TDRP: variants seen among roughly 807,000 people sequenced by gnomAD.
TDRP encodes testis development related protein.
Under a neutral mutation model 10.5 loss-of-function variants are expected in TDRP, and 12 were observed. That is an observed-to-expected ratio of 1.15 (90% CI 0.73 to 1.86). TDRP has a LOEUF of 1.86. Ranked by LOEUF, TDRP falls within the 40% of genes most tolerant of loss-of-function variation. The probability of loss-of-function intolerance (pLI) is 0.00; values close to 1 mark genes in which losing one functional copy is unlikely to be tolerated. For synonymous variants in TDRP, 139 were observed against 95.4 expected (o/e 1.46, Z -2.67); for missense variants, 353 against 229.2 (o/e 1.54, Z -3.49).
intron 1 of TDRP, among the ~76,000 whole-genome samples, chr8:537,120 T>C (rs1802366587): frequency 6.6e-6 from 1 of 152,232 alleles, no homozygotes; most frequent in Admixed American, 6.5e-5. Flanking sequence ...TGCCGTAATG[T>C]GGAAACCCCA....
At chr8:507,844 T>G (rs894645518) in intron 1 of TDRP, among the ~76,000 whole-genome samples, 4 of 152,186 alleles carry the variant, frequency 2.6e-5, no homozygotes, top group African/African-American at 9.7e-5. Context: ...CAAAATAATC[T>G]GTACAACAAA....
At position 492,142 on chromosome 8, in the gene TDRP, T is replaced by C; in HGVS notation, c.*257A>G. 3 of 1,246,928 alleles carry C rather than the reference T, an allele frequency of 2.4e-6. No individual in the cohort carries two copies. The highest frequency in any genetic ancestry group is 3.0e-6 in the Non-Finnish European group (3 of 997,036). The allele number at this position is 1,246,928 out of a possible 1,614,324, so 77.2% of individuals were successfully genotyped here. On this transcript the variant is annotated 3_prime_UTR_variant, in exon 3 of 3. Coordinates refer to ENST00000324079, the MANE Select transcript of TDRP (RefSeq NM_001384899.1). The stretch of plus-strand genomic sequence containing the variant: ...TATGGGAGAGCATCATAAATTCACA[T>C]CTCCAGTTTCTGCAAAACATGGACT...
intron 1 of TDRP, among the ~76,000 whole-genome samples, chr8:515,455 C>T (rs1801732433): frequency 6.6e-6 from 1 of 152,174 alleles, no homozygotes; most frequent in Non-Finnish European, 1.5e-5. Context: ...GAAATATTTG[C>T]ATTATACCAG....
rs201663760 is a variant in TDRP, at chr8:531,990, G to A, written c.108+12660C>T. Among the ~76,000 whole-genome samples the A allele has an allele frequency of 1.8e-4, 27 of 152,320 alleles. No homozygotes were observed. In the East Asian group the frequency reaches 2.5e-3, roughly 14 times the overall value. Reference sequence around the variant, plus strand: ...TCTCCTGACTGTGATACACTTTGCTGCTATAGCAGAACAAAACAAACAAAA... The same window carrying A: ...TCTCCTGACTGTGATACACTTTGCTACTATAGCAGAACAAAACAAACAAAA... On this transcript the variant is annotated intron_variant, in intron 1 of 2. Coordinates refer to ENST00000324079, the MANE Select transcript of TDRP (RefSeq NM_001384899.1).
chr8:524,907 G>C lies in TDRP; in HGVS notation c.108+19743C>G, dbSNP rs115271371. ...AGGGTAGAAAGTTTATTCAAAGGGA[G>C]AGTAACAGAGAACTTCTCAATCCTA... On this transcript the variant is annotated intron_variant, in intron 1 of 2. Transcript: ENST00000324079. Among the ~76,000 whole-genome samples, 1,075 of 152,260 alleles carry C rather than the reference G, an allele frequency of 7.1e-3. 15 individuals are homozygous for C. Among genetic ancestry groups the C allele is most frequent in the African/African-American group, 0.025 (1,028 of 41,546 alleles).
intron 1 of TDRP, among the ~76,000 whole-genome samples, chr8:520,441 C>T (rs1801873342): frequency 6.6e-6 from 1 of 152,162 alleles, no homozygotes; most frequent in African/African-American, 2.4e-5. Context: ...ATCCTGTTTT[C>T]CTTTCTTTGG....
intron 1 of TDRP, among the ~76,000 whole-genome samples, chr8:518,197 A>G (rs1309775689): frequency 6.6e-6 from 1 of 151,820 alleles, no homozygotes; most frequent in Non-Finnish European, 1.5e-5. Flanking sequence ...GTAGCAGGGA[A>G]GGTAGGGAAG....
chr8:524,684 G>A (rs751092724), intron 1 of TDRP, among the ~76,000 whole-genome samples: 4 of 151,512 alleles, frequency 2.6e-5, no homozygotes, highest in Non-Finnish European at 5.9e-5. Flanking sequence ...GAATGCATCA[G>A]TCTCAAAAGT....
chr8:542,513 C>T (rs1802523375), intron 1 of TDRP, among the ~76,000 whole-genome samples: 1 of 152,038 alleles, frequency 6.6e-6, no homozygotes, highest in African/African-American at 2.4e-5. Flanking sequence ...AAACTGGATA[C>T]CTGAAAAATA....
At chr8:509,455 G>A (rs988688309) in intron 1 of TDRP, among the ~76,000 whole-genome samples, 6 of 152,210 alleles carry the variant, frequency 3.9e-5, no homozygotes, top group Non-Finnish European at 8.8e-5. Flanking sequence ...GCAGTCGTAG[G>A]ACCAACACCA....
At chr8:533,559 C>T (rs76190673) in intron 1 of TDRP, among the ~76,000 whole-genome samples, 1 of 152,188 alleles carries the variant, frequency 6.6e-6, no homozygotes, top group Non-Finnish European at 1.5e-5. Flanking sequence ...ACTAGAACCC[C>T]AGACGTTTCA....
At chr8:544,172 C>CT (rs1368033349) in intron 1 of TDRP, among the ~76,000 whole-genome samples, 1 of 152,166 alleles carries the variant, frequency 6.6e-6, no homozygotes. Flanking sequence ...TCCAAAGCTG[C>CT]TTAGTGTCCG....
chr8:528,323 G>C (rs1802091546), intron 1 of TDRP, among the ~76,000 whole-genome samples: 1 of 152,170 alleles, frequency 6.6e-6, no homozygotes, highest in Admixed American at 6.5e-5. Flanking sequence ...ATGTAAAATA[G>C]TACAGCCACT....
At chr8:532,169 C>A (rs575314081) in intron 1 of TDRP, among the ~76,000 whole-genome samples, 61 of 152,302 alleles carry the variant, frequency 4.0e-4, no homozygotes, top group African/African-American at 1.3e-3. Context: ...ATCCACTAAC[C>A]TCTGTGAAGG....
At chr8:508,539 C>T (rs1200947077) in intron 1 of TDRP, among the ~76,000 whole-genome samples, 1 of 152,168 alleles carries the variant, frequency 6.6e-6, no homozygotes, top group Non-Finnish European at 1.5e-5. Context: ...ACCATCAGAT[C>T]TCATGAGAAC....
intron 1 of TDRP, among the ~76,000 whole-genome samples, chr8:502,689 G>T (rs111507585): frequency 7.8e-6 from 1 of 127,486 alleles, no homozygotes; most frequent in East Asian, 2.4e-4. Context: ...GCCACACACC[G>T]GAACCCATGC....
At chr8:539,092 A>T (rs1235893169) in intron 1 of TDRP, among the ~76,000 whole-genome samples, 2 of 152,236 alleles carry the variant, frequency 1.3e-5, no homozygotes, top group Non-Finnish European at 2.9e-5. Context: ...ATTTGTATTT[A>T]AAATCCTGTA....
chr8:512,992 G>A (rs899684000), intron 1 of TDRP, among the ~76,000 whole-genome samples: 1 of 151,244 alleles, frequency 6.6e-6, no homozygotes, highest in African/African-American at 2.4e-5. Context: ...AAAACAAGGT[G>A]GAGAAATTGA....
At chr8:514,172 C>T (rs976370263) in intron 1 of TDRP, among the ~76,000 whole-genome samples, 6 of 152,202 alleles carry the variant, frequency 3.9e-5, no homozygotes, top group Non-Finnish European at 8.8e-5. Context: ...AGAGAACTCA[C>T]ACTTGCCATT....
Sources: gnomAD v4.1 joint callset for allele counts (sites outside exome capture counted in the v4.1 genomes callset) on GRCh38, gnomAD v4.1.1 for gene constraint, MANE v1.5 for transcripts, NCBI Gene and HGNC (gene_info 2026-07-23, HGNC 2026-07-21) for gene names.